The following ARHGAP10 variants were observed in gnomAD, a reference collection of about 807,000 sequenced individuals.
The protein encoded by ARHGAP10 is Rho GTPase activating protein 10.
Under a neutral mutation model 108.6 loss-of-function variants are expected in ARHGAP10, and 87 were observed. The observed-to-expected ratio is 0.80, with a 90% CI of 0.67 to 0.96. The LOEUF is 0.96. Among genes scored for constraint, ARHGAP10 ranks in the 40% least tolerant of loss-of-function variants. The pLI, the probability that ARHGAP10 is intolerant of heterozygous loss-of-function variation, is 0.00. For missense variants in ARHGAP10, 939 were observed against 954.5 expected, an observed-to-expected ratio of 0.98 and a Z score of 0.21; for synonymous variants, 347 against 341.1, an observed-to-expected ratio of 1.02 and a Z score of -0.19.
intron 18 of ARHGAP10, among the ~76,000 whole-genome samples, chr4:148,013,544 C>G (rs369593227): frequency 6.6e-6 from 1 of 151,982 alleles, no homozygotes; most frequent in East Asian, 1.9e-4. Flanking sequence ...AAAAATTAGC[C>G]GGGCATGGTG....
At chr4:147,732,699 CGGGCCCCGCCT>C (rs776564438) in intron 1 of ARHGAP10, among the ~76,000 whole-genome samples, 103 of 151,624 alleles carry the variant, frequency 6.8e-4, no homozygotes, top group Non-Finnish European at 9.7e-4. Flanking sequence ...CAGCTGCCAG[CGGGCCCCGCCT>C]GGGCCCCGCC....
intron 10 of ARHGAP10, among the ~76,000 whole-genome samples, 184 bp from the exon 11 acceptor site, chr4:147,906,454 A>G (rs1329718421): frequency 6.6e-6 from 1 of 152,220 alleles, no homozygotes; most frequent in Non-Finnish European, 1.5e-5. Context: ...GTTATGTAAC[A>G]TTGTGAACAT....
intron 1 of ARHGAP10, among the ~76,000 whole-genome samples, chr4:147,763,588 G>C (rs779857847): frequency 3.9e-5 from 6 of 152,098 alleles, no homozygotes; most frequent in Non-Finnish European, 2.9e-5. Flanking sequence ...GGGATTACAG[G>C]TGTGAGCCAC....
chr4:147,939,964 A>G, intron 14 of ARHGAP10, 65 bp downstream of exon 14: 1 of 1,354,318 alleles, frequency 7.4e-7, no homozygotes, highest in African/African-American at 1.5e-5. Flanking sequence ...TTCACAGCTT[A>G]ATATTTCATA....
chr4:147,805,987 C>T (rs1188467630), intron 1 of ARHGAP10, among the ~76,000 whole-genome samples: 2 of 152,124 alleles, frequency 1.3e-5, no homozygotes, highest in Non-Finnish European at 2.9e-5. Flanking sequence ...CATGTTTGTA[C>T]TTATACAATA....
At chr4:147,859,163 C>T (rs990903927) in intron 5 of ARHGAP10, among the ~76,000 whole-genome samples, 1 of 152,142 alleles carries the variant, frequency 6.6e-6, no homozygotes, top group African/African-American at 2.4e-5. Flanking sequence ...CTCAAACCTT[C>T]AATTACTCTT....
chr4:147,771,426 G>T (rs1371486569), intron 1 of ARHGAP10, among the ~76,000 whole-genome samples: 1 of 152,126 alleles, frequency 6.6e-6, no homozygotes, highest in East Asian at 1.9e-4. Context: ...GGTAAATAGG[G>T]TATCTATCAC....
rs575700520 is a variant in ARHGAP10, at chr4:147,946,676, A to G, written c.1363A>G (p.Ile455Val). Reference sequence around the variant, plus strand: ...TTCTGCAGATTGGGAAGTGAAGACAATAACAAGTGCCTTGAAACAGTATTT... The same window carrying G: ...TTCTGCAGATTGGGAAGTGAAGACAGTAACAAGTGCCTTGAAACAGTATTT... ...ENSADWEVKT[I>V]TSALKQYLRS... is the part of the protein sequence containing the mutation. Residue 455 changes from isoleucine (I) to valine (V), a missense_variant, in exon 15 of 23, where the codon ATA (isoleucine) becomes GTA (valine). Transcript: ENST00000336498. 1.1e-5 allele frequency: 17 copies of G among 1,612,256 alleles called. No individual in the cohort carries two copies. Among genetic ancestry groups the G allele is most frequent in the Middle Eastern group, 3.3e-4 (2 of 6,076 alleles).
Position 147,872,332 on chromosome 4 carries a change from G to C in ARHGAP10, c.703-2689G>C, listed in dbSNP as rs142142305. Among the ~76,000 whole-genome samples the C allele has an allele frequency of 7.5e-4, 114 of 152,242 alleles. No individual in the cohort carries two copies. In the South Asian group the frequency reaches 7.9e-3, roughly 11 times the overall value. ...GAGAATGAGAACCAGGCTTCTTACT[G>C]TCTGGGAAAAAATTCACAAATTTGG... On this transcript the variant is annotated intron_variant, in intron 7 of 22. Transcript: ENST00000336498.
chr4:148,066,000 T>G (rs1204501437), intron 22 of ARHGAP10, among the ~76,000 whole-genome samples: 161 of 86,366 alleles, frequency 1.9e-3, no homozygotes, highest in Middle Eastern at 6.2e-3. Context: ...AAAAAAAGGG[T>G]TGAGGGGATT....
intron 1 of ARHGAP10, among the ~76,000 whole-genome samples, chr4:147,784,597 A>G (rs1167007252): frequency 1.8e-5 from 2 of 113,084 alleles, no homozygotes; most frequent in Non-Finnish European, 3.2e-5. Flanking sequence ...ATAAATATAT[A>G]TTATATATTT....
At chr4:147,940,795 A>G (rs1183590111) in intron 14 of ARHGAP10, among the ~76,000 whole-genome samples, 1 of 152,258 alleles carries the variant, frequency 6.6e-6, no homozygotes, top group Non-Finnish European at 1.5e-5. Context: ...ATCAACTGCC[A>G]TGCTACAGAT....
intron 3 of ARHGAP10, among the ~76,000 whole-genome samples, chr4:147,824,666 C>A (rs1056706812): frequency 1.3e-5 from 2 of 152,076 alleles, no homozygotes; most frequent in African/African-American, 4.8e-5. Flanking sequence ...TGAGTGCAGG[C>A]AGGGGAAATG....
rs112671207 is a variant in ARHGAP10 at position 147,895,929 on chromosome 4, A to C, written c.1035-10709A>C. 8.9e-3 allele frequency among the ~76,000 whole-genome samples: 1,356 copies of C among 152,246 alleles called. 19 individuals carry two copies. The highest frequency in any genetic ancestry group is 0.029 in the African/African-American group (1,208 of 41,550). On this transcript the variant is annotated intron_variant, in intron 10 of 22. Coordinates refer to ENST00000336498, the MANE Select transcript of ARHGAP10 (RefSeq NM_024605.4). The stretch of plus-strand genomic sequence containing the variant: ...TGAGGAAGTTTTTATTCCCAGTTTT[A>C]AGCATGAATTGGTTGGAATTTTGAC...
At chr4:147,861,928 A>G (rs959855000) in intron 5 of ARHGAP10, 2 of 152,228 alleles carry the variant, frequency 1.3e-5, no homozygotes, top group Non-Finnish European at 2.9e-5. Flanking sequence ...CTCCACCTAG[A>G]ACTGGCAGCC....
intron 1 of ARHGAP10, among the ~76,000 whole-genome samples, chr4:147,788,001 AG>A (rs1215059829): frequency 6.6e-6 from 1 of 152,144 alleles, no homozygotes; most frequent in African/African-American, 2.4e-5. Context: ...CCCGGATGTG[AG>A]AAAACTTCGT....
chr4:147,931,279 A>G (rs1459115627), intron 13 of ARHGAP10, among the ~76,000 whole-genome samples: 1 of 151,034 alleles, frequency 6.6e-6, no homozygotes, highest in African/African-American at 2.4e-5. Flanking sequence ...TTTGCTAACT[A>G]TCAGAACGAA....
chr4:147,849,023 C>G (rs1193991642), intron 4 of ARHGAP10, among the ~76,000 whole-genome samples: 1 of 152,150 alleles, frequency 6.6e-6, no homozygotes, highest in East Asian at 1.9e-4. Flanking sequence ...TGCAGTCTTG[C>G]TCAGTACAGT....
intron 1 of ARHGAP10, among the ~76,000 whole-genome samples, chr4:147,740,222 T>C (rs1728604550): frequency 6.6e-6 from 1 of 151,924 alleles, no homozygotes; most frequent in African/African-American, 2.4e-5. Context: ...CAGGCCTGGC[T>C]ACGTTTTGTA....
Sources: allele counts gnomAD v4.1 joint callset (sites outside exome capture counted in the v4.1 genomes callset), GRCh38; gene constraint gnomAD v4.1.1; transcripts MANE v1.5; gene names NCBI Gene and HGNC (gene_info 2026-07-23, HGNC 2026-07-21).